ZNF385D: variants seen among roughly 807,000 people sequenced by gnomAD.
ZNF385D encodes the protein zinc finger protein 659.
In ZNF385D, 15 loss-of-function variants were observed where a neutral mutation model predicts 35.8. The ratio of observed to expected loss-of-function variants is 0.42; its 90% CI spans 0.28 to 0.64. The LOEUF (loss-of-function observed/expected upper bound fraction) is 0.64. Among genes scored for constraint, ZNF385D ranks in the 30% least tolerant of loss-of-function variants. ZNF385D has a pLI of 0.23. For missense variants in ZNF385D, 474 were observed against 494.6 expected (o/e 0.96, Z 0.39); for synonymous variants, 212 against 186.8 (o/e 1.13, Z -1.10).
At chr3:21,501,251 T>G (rs1706339005) in intron 4 of ZNF385D, among the ~76,000 whole-genome samples, 1 of 152,170 alleles carries the variant, frequency 6.6e-6, no homozygotes, top group Non-Finnish European at 1.5e-5. Context: ...TCTGCCGTCT[T>G]CCTTCTTTCT....
chr3:22,337,625 C>G (rs1180275019), intron 2 of ZNF385D, among the ~76,000 whole-genome samples: 1 of 152,170 alleles, frequency 6.6e-6, no homozygotes, highest in East Asian at 1.9e-4. Flanking sequence ...TTAATAGTCA[C>G]AGAAAAGTAG....
intron 3 of ZNF385D, among the ~76,000 whole-genome samples, chr3:22,104,059 G>C (rs965450322): frequency 6.6e-6 from 1 of 152,080 alleles, no homozygotes; most frequent in Non-Finnish European, 1.5e-5. Flanking sequence ...CAGCCTTGGG[G>C]AGTGAGGGAC....
intron 2 of ZNF385D, among the ~76,000 whole-genome samples, chr3:22,285,624 C>T (rs9840956): frequency 0.16 from 23,786 of 151,784 alleles, 4,066 homozygotes; most frequent in African/African-American, 0.43. Flanking sequence ...GTTGGTGTGC[C>T]GCACCCATCA....
intron 3 of ZNF385D, among the ~76,000 whole-genome samples, chr3:21,972,495 A>C (rs1310534491): frequency 6.6e-6 from 1 of 151,986 alleles, no homozygotes; most frequent in Non-Finnish European, 1.5e-5. Context: ...TAAAACTTCA[A>C]ATAAACAACC....
intron 3 of ZNF385D, among the ~76,000 whole-genome samples, chr3:22,156,207 C>A (rs1005956448): frequency 3.3e-5 from 5 of 151,462 alleles, no homozygotes; most frequent in African/African-American, 1.2e-4. Flanking sequence ...TATGAAGACA[C>A]AATCCTCAAG....
At chr3:21,538,270 T>C (rs979336787) in intron 3 of ZNF385D, among the ~76,000 whole-genome samples, 3 of 152,022 alleles carry the variant, frequency 2.0e-5, no homozygotes, top group Non-Finnish European at 1.5e-5. Flanking sequence ...GAGAATCAGC[T>C]GGAGATACAA....
chr3:21,518,675 T>C (rs1429286527), intron 3 of ZNF385D, among the ~76,000 whole-genome samples: 2 of 152,172 alleles, frequency 1.3e-5, no homozygotes, highest in Non-Finnish European at 2.9e-5. Context: ...GGTTTTTTTA[T>C]TGAGAAAATT....
intron 3 of ZNF385D, among the ~76,000 whole-genome samples, chr3:22,018,953 T>G (rs1697052059): frequency 6.6e-6 from 1 of 151,286 alleles, no homozygotes; most frequent in South Asian, 2.1e-4. Flanking sequence ...CCTACTCCTT[T>G]CCGTCTCTAC....
At position 21,464,743 on chromosome 3, in the gene ZNF385D, A is replaced by AACACACACACACACACACACACACAC. The variant is rs6147726; in HGVS notation, c.440-27541_440-27540insGTGTGTGTGTGTGTGTGTGTGTGTGT. 8.0e-3 allele frequency among the ~76,000 whole-genome samples: 1,200 copies of AACACACACACACACACACACACACAC among 150,292 alleles called. 22 individuals are homozygous for AACACACACACACACACACACACACAC. Among genetic ancestry groups the AACACACACACACACACACACACACAC allele is most frequent in the East Asian group, 0.058 (292 of 5,032 alleles). On this transcript the variant is annotated intron_variant, in intron 4 of 7. Transcript: ENST00000281523. Reference sequence around the variant, plus strand: ...TTACAGCTGCCAAAAAATAAATTAAAACACACACACACACACTTATGCAAC... The same window carrying AACACACACACACACACACACACACAC: ...TTACAGCTGCCAAAAAATAAATTAAAACACACACACACACACACACACACACACACACACACACACACTTATGCAAC...
intron 3 of ZNF385D, among the ~76,000 whole-genome samples, chr3:22,075,742 C>G (rs961581025): frequency 1.3e-5 from 2 of 151,942 alleles, no homozygotes; most frequent in Non-Finnish European, 2.9e-5. Flanking sequence ...CCTCTCACAT[C>G]TATCCCAGAT....
chr3:21,741,148 G>A (rs1471557486), intron 1 of ZNF385D, among the ~76,000 whole-genome samples: 3 of 152,032 alleles, frequency 2.0e-5, no homozygotes, highest in African/African-American at 4.8e-5. Context: ...GTTCACAAAG[G>A]GAAGCTGAGA....
intron 3 of ZNF385D, among the ~76,000 whole-genome samples, chr3:21,786,993 T>C (rs761149083): frequency 6.6e-6 from 1 of 152,218 alleles, no homozygotes; most frequent in Non-Finnish European, 1.5e-5. Flanking sequence ...TTTATCTTCA[T>C]TCTTGCCTGA....
At chr3:22,210,354 G>A (rs982617006) in intron 2 of ZNF385D, among the ~76,000 whole-genome samples, 5 of 151,844 alleles carry the variant, frequency 3.3e-5, no homozygotes, top group East Asian at 1.9e-4. Flanking sequence ...CTATACTTAC[G>A]TCTTGGAAGG....
chr3:21,872,066 T>C (rs1260780872), intron 3 of ZNF385D, among the ~76,000 whole-genome samples: 1 of 152,142 alleles, frequency 6.6e-6, no homozygotes, highest in Non-Finnish European at 1.5e-5. Flanking sequence ...TTAATAAATA[T>C]ACGTATTTTA....
intron 3 of ZNF385D, among the ~76,000 whole-genome samples, chr3:21,828,055 T>A (rs1263358078): frequency 6.6e-6 from 1 of 152,224 alleles, no homozygotes; most frequent in African/African-American, 2.4e-5. Flanking sequence ...CCCTGCCCTG[T>A]ACTTACAACT....
At chr3:22,218,009 A>G (rs939238604) in intron 2 of ZNF385D, among the ~76,000 whole-genome samples, 2 of 152,146 alleles carry the variant, frequency 1.3e-5, no homozygotes, top group Non-Finnish European at 2.9e-5. Context: ...AGGTTAAGGT[A>G]ATGCTAGCTG....
At chr3:21,640,558 A>G (rs2065575024) in intron 2 of ZNF385D, among the ~76,000 whole-genome samples, 1 of 152,050 alleles carries the variant, frequency 6.6e-6, no homozygotes, top group African/African-American at 2.4e-5. Context: ...TGCCCTTATA[A>G]GGACAAAGAT....
At chr3:22,178,865 T>C (rs1695021044) in intron 2 of ZNF385D, among the ~76,000 whole-genome samples, 1 of 152,246 alleles carries the variant, frequency 6.6e-6, no homozygotes, top group African/African-American at 2.4e-5. Flanking sequence ...TTCTTGTTTT[T>C]GCCAGGTTTG....
chr3:22,237,387 T>C (rs541122085), intron 2 of ZNF385D, among the ~76,000 whole-genome samples: 1 of 152,314 alleles, frequency 6.6e-6, no homozygotes, highest in Admixed American at 6.5e-5. Flanking sequence ...TGGGTTGTGT[T>C]ATTTTTATAT....
Sources: allele counts gnomAD v4.1 joint callset (sites outside exome capture counted in the v4.1 genomes callset), GRCh38; gene constraint gnomAD v4.1.1; transcripts MANE v1.5; gene names NCBI Gene and HGNC (gene_info 2026-07-23, HGNC 2026-07-21).